Variants in PHC1 observed in about 807,000 individuals in gnomAD.
PHC1 encodes polyhomeotic homolog 1.
In PHC1, 12 loss-of-function variants were observed where a neutral mutation model predicts 104.3. That is an observed-to-expected ratio of 0.12 (90% CI 0.07 to 0.19). The LOEUF (loss-of-function observed/expected upper bound fraction) is 0.19, where lower values mean the gene tolerates loss of function less well. Ranked by LOEUF, PHC1 falls within the 10% of genes least tolerant of loss-of-function variation. The pLI is 1.00. For missense variants in PHC1, 671 were observed against 1,200.0 expected, an observed-to-expected ratio of 0.56 and a Z score of 6.51; for synonymous variants, 302 against 455.8, an observed-to-expected ratio of 0.66 and a Z score of 4.30.
intron 6 of PHC1, among the ~76,000 whole-genome samples, chr12:8,927,871 T>TTC (rs999480699): frequency 3.0e-5 from 3 of 98,562 alleles, no homozygotes; most frequent in African/African-American, 1.4e-4. Context: ...CTTTCTTTCT[T>TTC]TCTTTCTTTC....
intron 14 of PHC1, among the ~76,000 whole-genome samples, chr12:8,938,443 TTC>T (rs1386976145): frequency 1.5e-5 from 2 of 133,090 alleles, no homozygotes; most frequent in African/African-American, 5.1e-5. Context: ...TTTGCTAGTC[TTC>T]TTTTTTTTTT....
intron 6 of PHC1, among the ~76,000 whole-genome samples, chr12:8,927,463 T>C (rs2137091660): frequency 6.6e-6 from 1 of 151,970 alleles, no homozygotes; most frequent in East Asian, 1.9e-4. Flanking sequence ...GGAGGTGGAA[T>C]ATAGAGTGCA....
chr12:8,938,041 G>A lies in PHC1; in HGVS notation c.2841G>A (p.Glu947=), dbSNP rs371250226. 8.1e-6 allele frequency: 13 copies of A among 1,606,780 alleles called. No individual in the cohort carries two copies. The African/African-American group carries it at 1.6e-4, about 20-fold the overall frequency. ...PSRWSVEEVY[E]FIASLQGCQE... ...GTTGGAGTGTAGAGGAGGTGTACGA[G>A]TTTATTGCTTCTCTCCAAGGTACTG... Residue 947 remains glutamate (E), a synonymous_variant, in exon 14 of 15, where the codon GAG becomes GAA. Transcript: ENST00000544916.
chr12:8,939,925 C>G lies in PHC1; in HGVS notation c.*466C>G, dbSNP rs566182838. ...AAGTAGCAAAATCTGGTCCTCCCCC[C>G]TCCCAGTGTAGCTGTGGCTCAGAGT... On this transcript the variant is annotated 3_prime_UTR_variant, in exon 15 of 15. Transcript: ENST00000544916. The G allele has an allele frequency of 1.3e-3, 603 of 456,626 alleles. 11 individuals carry two copies. Among genetic ancestry groups the G allele is most frequent in the Middle Eastern group, 9.4e-3 (29 of 3,070 alleles). The allele number at this position is 456,626 out of a possible 1,614,324, so 28.3% of individuals were successfully genotyped here.
chr12:8,920,575 G>A (rs1945333128), intron 3 of PHC1, among the ~76,000 whole-genome samples: 1 of 152,192 alleles, frequency 6.6e-6, no homozygotes. Context: ...GGGCGTGGTG[G>A]TGTGCACCTG....
chr12:8,919,827 C>G lies in PHC1; in HGVS notation c.186C>G (p.Leu62=), dbSNP rs1565512235. The G allele has an allele frequency of 6.2e-7, 1 of 1,609,056 alleles. No homozygotes were observed. Among genetic ancestry groups the G allele is most frequent in the Non-Finnish European group, 8.5e-7 (1 of 1,177,618 alleles). Residue 62 remains leucine, a synonymous_variant, in exon 3 of 15, where the codon CTC becomes CTG. Coordinates refer to ENST00000544916, the MANE Select transcript of PHC1 (RefSeq NM_004426.3). This position sits in a 1 kb window ranked among gnomAD's most constrained non-coding sequence, Gnocchi z 4.9. ...YFHQFMLQQQ[L]SNAQLHSLAA... is the part of the protein sequence containing the mutation. ...ACCAGTTCATGCTCCAGCAGCAGCTCAGTAATGCCCAGCTGCATAGCCTGG... is the reference window on the plus strand; with the variant it reads ...ACCAGTTCATGCTCCAGCAGCAGCTGAGTAATGCCCAGCTGCATAGCCTGG...
At chr12:8,931,313 A>G (rs1487000475) in intron 7 of PHC1, among the ~76,000 whole-genome samples, 4 of 152,244 alleles carry the variant, frequency 2.6e-5, no homozygotes, top group African/African-American at 9.6e-5. Context: ...GTAACTTAGC[A>G]TTTACTATAA....
At position 8,921,051 on chromosome 12, in the gene PHC1, A is replaced by G; in HGVS notation, c.292A>G (p.Thr98Ala). Residue 98 changes from threonine (T) to alanine (A), a missense_variant, in exon 4 of 15, where the codon ACC becomes GCC. Physicochemically the swap from Thr to Ala is moderately conservative, Grantham distance 58. Coordinates refer to ENST00000544916, the MANE Select transcript of PHC1 (RefSeq NM_004426.3). ...CAGCACTACACAGCAGCAGACTACC[A>G]CCACCCAGGCCTCGGTGAGTACGCC... The part of the protein sequence containing the change: ...NTSTTQQQTT[T>A]TQASINLATT... 1 of 1,612,574 alleles carries G rather than the reference A, an allele frequency of 6.2e-7. No homozygotes were observed. The highest frequency in any genetic ancestry group is 8.5e-7 in the Non-Finnish European group (1 of 1,179,396).
At chr12:8,917,976 G>A (rs1300568968) in intron 2 of PHC1, among the ~76,000 whole-genome samples, 185 bp downstream of exon 2, 6 of 152,208 alleles carry the variant, frequency 3.9e-5, no homozygotes, top group Non-Finnish European at 8.8e-5. Context: ...AGCAAACAGT[G>A]AAATCTGGTC....
In PHC1 at chr12:8,914,750, C is replaced by T. The variant is rs1009320426; in HGVS notation, c.-126C>T. 1 of 152,950 alleles carries T rather than the reference C, an allele frequency of 6.5e-6. No individual in the cohort carries two copies. The highest frequency in any genetic ancestry group is 1.9e-4 in the East Asian group (1 of 5,152). The allele number at this position is 152,950 out of a possible 1,614,324, so 9.5% of individuals were successfully genotyped here. A position where few individuals can be genotyped will look rare whatever the true frequency, so the allele number is the denominator to read the frequency against. On this transcript the variant is annotated 5_prime_UTR_variant, in exon 1 of 15. Transcript: ENST00000544916. ...CGCGGAGGCCGAGCGAGCCCCCAGC[C>T]CAGCCTGGCGACTGGGGACCCCGGC...
chr12:8,934,000 A>T lies in PHC1; in HGVS notation c.2029A>T (p.Ser677Cys). 6.2e-7 allele frequency: 1 copy of T among 1,614,160 alleles called. No homozygotes were observed. Among genetic ancestry groups the T allele is most frequent in the Non-Finnish European group, 8.5e-7 (1 of 1,179,990 alleles). Residue 677 changes from serine to cysteine, a missense_variant, in exon 9 of 15, where the codon AGC (serine) becomes TGC (cysteine). Physicochemically the swap from Ser to Cys is moderately radical, Grantham distance 112. This residue lies in a region of PHC1 where 95 missense variants were observed against 108.8 expected (regional missense o/e 0.87). Transcript: ENST00000544916. ...AAGCCCAAAAGTCATGGACGAGAAG[A>T]GCAGTCTTGGAGGTGAGTAACTGAC... ...AESPKVMDEKSSLGEKAESVA... is the reference protein window; with the variant it reads ...AESPKVMDEKCSLGEKAESVA...
intron 13 of PHC1, 65 bp from the exon 14 acceptor site, chr12:8,937,764 G>T: frequency 7.6e-7 from 1 of 1,308,056 alleles, no homozygotes; most frequent in Non-Finnish European, 1.1e-6. Flanking sequence ...AGGGTGGTTT[G>T]GGAAGAAAGA....
chr12:8,933,197 T>C lies in PHC1; in HGVS notation c.1740T>C (p.Gly580=). The change falls in exon 8 of 15, where the codon GGT becomes GGC. Residue 580 remains glycine, a synonymous_variant. Coordinates refer to ENST00000544916, the MANE Select transcript of PHC1 (RefSeq NM_004426.3). The stretch of plus-strand genomic sequence containing the variant: ...CGCCACCTTCATCCCAGGCTCCTGG[T>C]GCACTGCAGGAGTGCCCTCCCACAT... ...ASSPPSSQAP[G]ALQECPPTLA... is the part of the protein sequence containing the mutation. 7.0e-7 allele frequency: 1 copy of C among 1,438,138 alleles called. No homozygotes were observed. Among genetic ancestry groups the C allele is most frequent in the Non-Finnish European group, 9.3e-7 (1 of 1,080,550 alleles). 89.1% of individuals were successfully genotyped at this position (1,438,138 alleles called of 1,614,324 possible).
At chr12:8,926,722 T>C (rs1319435105) in intron 6 of PHC1, among the ~76,000 whole-genome samples, 1 of 152,018 alleles carries the variant, frequency 6.6e-6, no homozygotes, top group East Asian at 1.9e-4. Context: ...CCATCCAGCC[T>C]GATCAACATG....
At chr12:8,931,183 G>A (rs138584527) in intron 7 of PHC1, among the ~76,000 whole-genome samples, 42 of 152,226 alleles carry the variant, frequency 2.8e-4, no homozygotes, top group African/African-American at 9.2e-4. Context: ...GCTTTCTTAG[G>A]CTGTGAGTTC....
rs778913153 is a variant in PHC1 at position 8,930,577 on chromosome 12, A to C, written c.755A>C (p.Gln252Pro). ...TCTAGCCAGGCCCTAGCGGTGGCAC[A>C]GGCTTCCTCTGGGGCCACAAACCAG... ...QASSQALAVA[Q>P]ASSGATNQSL... The change falls in exon 7 of 15, where the codon CAG becomes CCG. Residue 252 changes from glutamine to proline, a missense_variant. Physicochemically the swap from Gln to Pro is moderately conservative, Grantham distance 76. Transcript: ENST00000544916. 3.2e-6 allele frequency: 5 copies of C among 1,565,014 alleles called. No homozygotes were observed. In the South Asian group the frequency reaches 5.8e-5, roughly 18 times the overall value.
intron 7 of PHC1, 132 bp downstream of exon 7, chr12:8,931,059 A>G (rs1592204215): frequency 2.3e-6 from 2 of 871,772 alleles, no homozygotes; most frequent in Non-Finnish European, 3.4e-6. Flanking sequence ...TAGTGGAAGG[A>G]ATGGGAATAA....
At position 8,921,589 on chromosome 12, in the gene PHC1, T is replaced by C. The variant is rs1336668995; in HGVS notation, c.307-12T>C. On this transcript the variant is annotated splice_polypyrimidine_tract_variant and intron_variant, in intron 4 of 14. Coordinates refer to ENST00000544916, the MANE Select transcript of PHC1 (RefSeq NM_004426.3). ...CAAATCCTTAGTCCTGGTTCCTTTC[T>C]GTACCACACAGATCAATCTGGCCAC... 6.2e-7 allele frequency: 1 copy of C among 1,613,070 alleles called. No individual in the cohort carries two copies. Among genetic ancestry groups the C allele is most frequent in the Admixed American group, 1.7e-5 (1 of 59,764 alleles).
At chr12:8,915,925 A>G (rs931510698) in intron 1 of PHC1, 2 of 154,406 alleles carry the variant, frequency 1.3e-5, no homozygotes, top group African/African-American at 2.4e-5. Flanking sequence ...ATGTGAATGT[A>G]GGAATTATGT....
Sources: allele counts gnomAD v4.1 joint callset (sites outside exome capture counted in the v4.1 genomes callset), GRCh38; gene constraint gnomAD v4.1.1; regional missense constraint gnomAD v4.1.1; non-coding constraint Gnocchi (gnomAD v3.1); transcripts MANE v1.5; gene names NCBI Gene and HGNC (gene_info 2026-07-23, HGNC 2026-07-21).